The following HIF1A variants were observed in gnomAD, a reference collection of about 807,000 sequenced individuals.
The protein encoded by HIF1A is hypoxia-inducible factor 1-alpha.
HIF1A carries 24 observed loss-of-function variants against 92.7 expected under a neutral mutation model. The observed-to-expected ratio is 0.26, with a 90% CI of 0.19 to 0.36. The LOEUF (loss-of-function observed/expected upper bound fraction) is 0.36. Among genes scored for constraint, HIF1A ranks in the 10% least tolerant of loss-of-function variants. The probability of loss-of-function intolerance (pLI) is 1.00; values close to 1 mark genes in which losing one functional copy is unlikely to be tolerated. For synonymous variants in HIF1A, 319 were observed against 338.7 expected (o/e 0.94, Z 0.64); for missense variants, 799 against 998.5 (o/e 0.80, Z 2.69).
At position 61,721,552 on chromosome 14, in the gene HIF1A, C is replaced by T. The variant is rs772609842; in HGVS notation, c.270C>T (p.Cys90=). Residue 90 remains cysteine, a synonymous_variant, in exon 3 of 15, where the codon TGC becomes TGT. Coordinates refer to ENST00000337138, the MANE Select transcript of HIF1A (RefSeq NM_001530.4). ...IEDDMKAQMN[C]FYLKALDGFV... ...ATGACATGAAAGCACAGATGAATTG[C>T]TTTTATTTGAAAGCCTTGGATGGTT... 1.4e-5 allele frequency: 22 copies of T among 1,613,054 alleles called. No individual in the cohort carries two copies. The highest frequency in any genetic ancestry group is 1.6e-4 in the Middle Eastern group (1 of 6,078).
chr14:61,697,926 G>A, intron 1 of HIF1A: 3 of 1,519,050 alleles, frequency 2.0e-6, no homozygotes, highest in Non-Finnish European at 2.6e-6. Context: ...AAAACCTGAA[G>A]AATTGGAAGA....
intron 1 of HIF1A, among the ~76,000 whole-genome samples, chr14:61,713,519 C>G (rs2044330086): frequency 6.6e-6 from 1 of 152,102 alleles, no homozygotes; most frequent in Non-Finnish European, 1.5e-5. Context: ...GGGAATAAAG[C>G]ATTAGGTGAC....
At chr14:61,709,403 A>C (rs936530021) in intron 1 of HIF1A, among the ~76,000 whole-genome samples, 1 of 152,248 alleles carries the variant, frequency 6.6e-6, no homozygotes, top group Admixed American at 6.5e-5. Context: ...TAAATGAAAA[A>C]TTTACACATT....
intron 1 of HIF1A, 62 bp downstream of exon 1, chr14:61,695,901 T>A (rs1280484179): frequency 2.1e-6 from 3 of 1,452,794 alleles, no homozygotes; most frequent in Admixed American, 2.0e-5. Context: ...CTGCCCGCCC[T>A]GGGCTCCTGG....
chr14:61,714,539 A>C (rs1321024134), intron 1 of HIF1A, among the ~76,000 whole-genome samples: 10 of 152,186 alleles, frequency 6.6e-5, no homozygotes, highest in African/African-American at 2.4e-4. Flanking sequence ...CCATTATACA[A>C]AATTCTGGAG....
chr14:61,743,382 T>C (rs1487348772), intron 12 of HIF1A, among the ~76,000 whole-genome samples: 1 of 152,168 alleles, frequency 6.6e-6, no homozygotes, highest in Non-Finnish European at 1.5e-5. Flanking sequence ...GCAACTGTTT[T>C]TAAACATTAG....
At chr14:61,735,243 A>G (rs1486214833) in intron 8 of HIF1A, among the ~76,000 whole-genome samples, 2 of 152,232 alleles carry the variant, frequency 1.3e-5, no homozygotes, top group Non-Finnish European at 2.9e-5. Context: ...CTTGTTTACC[A>G]TCATACTCAC....
intron 1 of HIF1A, among the ~76,000 whole-genome samples, chr14:61,697,464 T>A (rs989625479): frequency 6.6e-6 from 1 of 152,214 alleles, no homozygotes; most frequent in African/African-American, 2.4e-5. Flanking sequence ...CCACTTTTTT[T>A]ATATACAGTA....
chr14:61,746,387 G>GGCT, intron 14 of HIF1A, among the ~76,000 whole-genome samples: 1 of 81,426 alleles, frequency 1.2e-5, no homozygotes, highest in African/African-American at 5.3e-5. Flanking sequence ...GAACTTTTAT[G>GGCT]ACTTCTTTTT....
Position 61,727,622 on chromosome 14 carries a change from G to A in HIF1A, c.740G>A (p.Ser247Asn), listed in dbSNP as rs1284486621. The A allele has an allele frequency of 4.3e-6, 7 of 1,613,290 alleles. No individual in the cohort carries two copies. Among genetic ancestry groups the A allele is most frequent in the Non-Finnish European group, 5.9e-6 (7 of 1,179,438 alleles). ...LDSKTFLSRH[S>N]LDMKFSYCDE... is the part of the protein sequence containing the mutation. ...AGCAAGACTTTCCTCAGTCGACACA[G>A]CCTGGATATGAAATTTTCTTATTGT... Residue 247 changes from serine (S) to asparagine (N), a missense_variant, in exon 6 of 15, where the codon AGC becomes AAC. Coordinates refer to ENST00000337138, the MANE Select transcript of HIF1A (RefSeq NM_001530.4).
At chr14:61,730,762 G>GC (rs1190241163) in intron 6 of HIF1A, among the ~76,000 whole-genome samples, 1 of 152,110 alleles carries the variant, frequency 6.6e-6, no homozygotes, top group Non-Finnish European at 1.5e-5. Context: ...TTTTGTCTTT[G>GC]CATTTTCATG....
chr14:61,715,087 A>C (rs751311067), intron 1 of HIF1A, among the ~76,000 whole-genome samples: 14 of 152,234 alleles, frequency 9.2e-5, no homozygotes, highest in Non-Finnish European at 1.9e-4. Context: ...GAGCAAGTAA[A>C]ACACCAACAA....
chr14:61,713,107 G>A (rs2044326058), intron 1 of HIF1A, among the ~76,000 whole-genome samples: 1 of 152,172 alleles, frequency 6.6e-6, no homozygotes, highest in African/African-American at 2.4e-5. Flanking sequence ...TGGTGCTTTT[G>A]AGTAACTGCA....
At position 61,710,861 on chromosome 14, in the gene HIF1A, C is replaced by G. The variant is rs148685520; in HGVS notation, c.36-9521C>G. 1.3e-3 allele frequency among the ~76,000 whole-genome samples: 200 copies of G among 152,144 alleles called. 5 individuals carry two copies. The East Asian group carries it at 0.034, about 26-fold the overall frequency. ...GGATCAAGAGGTCAGGAGTTCAAGA[C>G]CAGCCTGGCCAACATAGTGAAACCC... On this transcript the variant is annotated intron_variant, in intron 1 of 14. Transcript: ENST00000337138.
intron 14 of HIF1A, 137 bp from the exon 15 acceptor site, chr14:61,746,797 T>C: frequency 3.4e-6 from 2 of 596,282 alleles, no homozygotes; most frequent in Non-Finnish European, 5.8e-6. Flanking sequence ...TTTAACATAG[T>C]TGTGGTTTTG....
At position 61,719,831 on chromosome 14, in the gene HIF1A, G is replaced by A. The variant is rs185752531; in HGVS notation, c.36-551G>A. 3.4e-4 allele frequency among the ~76,000 whole-genome samples: 52 copies of A among 152,302 alleles called. No homozygotes were observed. The East Asian group carries it at 5.8e-3, about 17-fold the overall frequency. ...CCTGCACTGGCTTATAGCTGCTAAT[G>A]TCAGTTCCTATAGCTTATCGTCAGT... On this transcript the variant is annotated intron_variant, in intron 1 of 14. Transcript: ENST00000337138.
intron 1 of HIF1A, among the ~76,000 whole-genome samples, chr14:61,701,436 G>A (rs2044174548): frequency 1.3e-5 from 2 of 151,966 alleles, no homozygotes; most frequent in African/African-American, 4.8e-5. Flanking sequence ...ACTCATTAAG[G>A]ACAGGTCCCC....
In HIF1A at chr14:61,711,637, G is replaced by A. The variant is rs893158351; in HGVS notation, c.36-8745G>A. On this transcript the variant is annotated intron_variant, in intron 1 of 14. Transcript: ENST00000337138. The stretch of plus-strand genomic sequence containing the variant: ...ATACTGGTGGGTGATTGTTTTAATT[G>A]ATAGCTGTTTTTTTCTACTTCAGGA... Among the ~76,000 whole-genome samples the A allele has an allele frequency of 3.9e-5, 6 of 152,218 alleles. No individual in the cohort carries two copies. In the South Asian group the frequency reaches 1.0e-3, roughly 26 times the overall value.
chr14:61,730,259 T>G (rs1299710891), intron 6 of HIF1A, among the ~76,000 whole-genome samples: 2 of 152,206 alleles, frequency 1.3e-5, no homozygotes, highest in African/African-American at 4.8e-5. Context: ...TTCTCTAAAG[T>G]TAAATTAACC....
Sources: gnomAD v4.1 joint callset for allele counts (sites outside exome capture counted in the v4.1 genomes callset) on GRCh38, gnomAD v4.1.1 for gene constraint, MANE v1.5 for transcripts, NCBI Gene and HGNC (gene_info 2026-07-23, HGNC 2026-07-21) for gene names.